NBEA: variants seen among roughly 807,000 people sequenced by gnomAD.
NBEA encodes lysosomal-trafficking regulator 2.
In NBEA, 44 loss-of-function variants were observed where a neutral mutation model predicts 343.4. The ratio of observed to expected loss-of-function variants is 0.13; its 90% CI spans 0.10 to 0.16. The LOEUF (loss-of-function observed/expected upper bound fraction) is 0.16, where lower values mean the gene tolerates loss of function less well. Among genes scored for constraint, NBEA ranks in the 10% least tolerant of loss-of-function variants. NBEA has a pLI of 1.00. For missense variants in NBEA, 2,555 were observed against 3,631.3 expected (o/e 0.70, Z 7.62); for synonymous variants, 1,175 against 1,238.7 (o/e 0.95, Z 1.08).
In NBEA at chr13:35,159,760, A is replaced by G. The variant is rs1451629657; in HGVS notation, c.3589A>G (p.Thr1197Ala). ...TCACATGACCGGTAGCGTAGACTTA[A>G]CTTGTACATCCAGTATAATAGAAGA... ...LAHMTGSVDL[T>A]CTSSIIEEKE... The change falls in exon 22 of 59, where the codon ACT (threonine) becomes GCT (alanine). Residue 1197 changes from threonine (T) to alanine (A), a missense_variant. Around this residue, in one of 21 missense-constraint regions of NBEA, gnomAD observed 367 missense variants for 377.5 expected, o/e 0.97. Coordinates refer to ENST00000379939, the MANE Select transcript of NBEA (RefSeq NM_001385012.1). 6.2e-7 allele frequency: 1 copy of G among 1,613,144 alleles called. No individual in the cohort carries two copies. The highest frequency in any genetic ancestry group is 8.5e-7 in the Non-Finnish European group (1 of 1,179,612).
At chr13:35,500,607 C>T (rs372230574) in intron 41 of NBEA, among the ~76,000 whole-genome samples, 10 of 151,984 alleles carry the variant, frequency 6.6e-5, no homozygotes, top group East Asian at 1.9e-4. Context: ...ATTGGACAAA[C>T]GACTGGGAAG....
At chr13:35,030,283 A>G (rs1198885847) in intron 1 of NBEA, among the ~76,000 whole-genome samples, 1 of 151,558 alleles carries the variant, frequency 6.6e-6, no homozygotes, top group Non-Finnish European at 1.5e-5. Flanking sequence ...AAATTCTTTT[A>G]AATTATGGTC....
At chr13:35,206,172 C>T (rs1028819012) in intron 31 of NBEA, among the ~76,000 whole-genome samples, 3 of 151,938 alleles carry the variant, frequency 2.0e-5, no homozygotes, top group African/African-American at 7.3e-5. Context: ...TTTTTTCTCT[C>T]GGTCTCATAA....
chr13:34,989,611 G>A (rs755600572), intron 1 of NBEA, among the ~76,000 whole-genome samples: 1 of 150,796 alleles, frequency 6.6e-6, no homozygotes, highest in Non-Finnish European at 1.5e-5. Context: ...GAGGATTACA[G>A]TTTGACATGA....
At chr13:35,295,436 G>T (rs2036061976) in intron 35 of NBEA, among the ~76,000 whole-genome samples, 1 of 151,836 alleles carries the variant, frequency 6.6e-6, no homozygotes, top group Non-Finnish European at 1.5e-5. Context: ...GTGATATAAT[G>T]TCATTTCCAA....
intron 41 of NBEA, among the ~76,000 whole-genome samples, chr13:35,479,460 A>G (rs557286564): frequency 6.6e-6 from 1 of 152,278 alleles, no homozygotes. Context: ...TATTCGGAGA[A>G]GCGTGTTTTC....
intron 1 of NBEA, among the ~76,000 whole-genome samples, chr13:34,990,922 A>G (rs1228561718): frequency 2.0e-5 from 3 of 152,220 alleles, no homozygotes; most frequent in Admixed American, 1.3e-4. Flanking sequence ...GATATCTTAA[A>G]TCATCTCTCA....
chr13:35,308,970 T>A (rs1005654827), intron 35 of NBEA, among the ~76,000 whole-genome samples: 14 of 151,798 alleles, frequency 9.2e-5, no homozygotes, highest in Non-Finnish European at 1.8e-4. Context: ...GTTTACTACT[T>A]TTTTTTACAA....
At chr13:35,218,212 CTG>C (rs1035809765) in intron 33 of NBEA, among the ~76,000 whole-genome samples, 3 of 152,230 alleles carry the variant, frequency 2.0e-5, no homozygotes, top group African/African-American at 7.2e-5. Context: ...ATATTTTTAA[CTG>C]TTAGCATGGA....
chr13:35,511,421 T>C (rs746079532), intron 41 of NBEA, among the ~76,000 whole-genome samples: 2 of 152,170 alleles, frequency 1.3e-5, no homozygotes, highest in Non-Finnish European at 2.9e-5. Context: ...TACTTTAAAG[T>C]TGACTTAAAC....
intron 34 of NBEA, among the ~76,000 whole-genome samples, chr13:35,263,940 G>T (rs560242002): frequency 1.3e-5 from 2 of 149,452 alleles, no homozygotes; most frequent in South Asian, 4.2e-4. Flanking sequence ...AGAAATAGAT[G>T]AAATAGAGAC....
At chr13:35,561,603 TAA>T (rs2079859676) in intron 44 of NBEA, among the ~76,000 whole-genome samples, 1 of 152,158 alleles carries the variant, frequency 6.6e-6, no homozygotes, top group Non-Finnish European at 1.5e-5. Context: ...ACCCATTTCT[TAA>T]AAGTGTCTCA....
At position 35,671,286 on chromosome 13, in the gene NBEA, A is replaced by G. The variant is rs1019276870; in HGVS notation, c.*295A>G. ...TTGAGAAAAGGTTGTAGGATGTGTC[A>G]CAAGAGACTTTTGACAATTCTGAGG... On this transcript the variant is annotated 3_prime_UTR_variant, in exon 59 of 59. Transcript: ENST00000379939. The G allele has an allele frequency of 4.4e-6, 1 of 226,630 alleles. No homozygotes were observed. The highest frequency in any genetic ancestry group is 2.2e-5 in the African/African-American group (1 of 44,696). 14.0% of individuals were successfully genotyped at this position (226,630 alleles called of 1,614,324 possible).
intron 31 of NBEA, among the ~76,000 whole-genome samples, chr13:35,197,639 C>T (rs2072716119): frequency 6.6e-6 from 1 of 151,906 alleles, no homozygotes; most frequent in South Asian, 2.1e-4. Context: ...CCTCAGCCTC[C>T]TGAGTAGCAC....
At chr13:35,432,142 T>C (rs185493346) in intron 38 of NBEA, 127 bp from the exon 39 acceptor site, 1 of 602,152 alleles carries the variant, frequency 1.7e-6, no homozygotes, top group African/African-American at 1.9e-5. Flanking sequence ...GTGTAAAATA[T>C]AAGTATCTCC....
intron 41 of NBEA, among the ~76,000 whole-genome samples, chr13:35,506,976 TG>T (rs2077094645): frequency 6.6e-6 from 1 of 152,164 alleles, no homozygotes; most frequent in African/African-American, 2.4e-5. Context: ...TTCTGGCTAC[TG>T]TCCCCCTTGT....
chr13:35,371,735 C>T (rs545794041), intron 38 of NBEA, among the ~76,000 whole-genome samples: 1 of 152,122 alleles, frequency 6.6e-6, no homozygotes, highest in Non-Finnish European at 1.5e-5. Flanking sequence ...ATTGATGCTA[C>T]TTCTAATTTT....
chr13:35,600,123 G>C (rs1372946582), intron 47 of NBEA, among the ~76,000 whole-genome samples: 1 of 152,154 alleles, frequency 6.6e-6, no homozygotes, highest in African/African-American at 2.4e-5. Flanking sequence ...AGAAGAGGCA[G>C]GTCCTAAGTT....
intron 36 of NBEA, among the ~76,000 whole-genome samples, chr13:35,338,604 C>T (rs1018417743): frequency 1.3e-5 from 2 of 152,020 alleles, no homozygotes; most frequent in African/African-American, 4.8e-5. Context: ...AACACTAACT[C>T]ATTTTATGAG....
Sources: allele counts gnomAD v4.1 joint callset (sites outside exome capture counted in the v4.1 genomes callset), GRCh38; gene constraint gnomAD v4.1.1; regional missense constraint gnomAD v4.1.1; transcripts MANE v1.5; gene names NCBI Gene and HGNC (gene_info 2026-07-23, HGNC 2026-07-21).